ZNF665: variants seen among roughly 807,000 people sequenced by gnomAD.
ZNF665 encodes zinc finger protein 665.
Under a neutral mutation model 7.9 loss-of-function variants are expected in ZNF665, and 6 were observed. The observed-to-expected ratio is 0.76, with a 90% confidence interval of 0.42 to 1.50. The LOEUF is 1.50. ZNF665 is among the 40% of genes most tolerant of loss of function. The probability of loss-of-function intolerance (pLI) is 0.01; values close to 1 mark genes in which losing one functional copy is unlikely to be tolerated. For missense variants in ZNF665, 819 were observed against 806.7 expected (o/e 1.02, Z -0.18); for synonymous variants, 242 against 274.5 (o/e 0.88, Z 1.17).
rs201807429 is a variant in ZNF665, at chr19:53,165,166, G to T, written c.1324C>A (p.Arg442=). 2 of 1,613,860 alleles carry T rather than the reference G, an allele frequency of 1.2e-6. No homozygotes were observed. The highest frequency in any genetic ancestry group is 2.7e-5 in the African/African-American group (2 of 74,854). The change falls in exon 4 of 4, where the codon CGA becomes AGA. Residue 442 remains arginine (R), a synonymous_variant. Coordinates refer to ENST00000396424, the MANE Select transcript of ZNF665 (RefSeq NM_024733.5). ...GCCTGATGGGTAGTTAGGCTTGATC[G>T]CACACTAAAGGCTTTGCCACACTCA... ...CDECGKAFSV[R]SSLTTHQAIH...
chr19:53,169,036 G>A (rs1397534824), intron 3 of ZNF665, among the ~76,000 whole-genome samples: 1 of 151,974 alleles, frequency 6.6e-6, no homozygotes, highest in East Asian at 1.9e-4. Flanking sequence ...CTCGGATCAA[G>A]CAAAGATTTC....
At chr19:53,169,353 A>C (rs2090640413) in intron 3 of ZNF665, among the ~76,000 whole-genome samples, 1 of 151,606 alleles carries the variant, frequency 6.6e-6, no homozygotes, top group Admixed American at 6.6e-5. Context: ...ATACAAATTA[A>C]ACTACTAAAT....
At chr19:53,173,282 A>C (rs2090671764) in intron 3 of ZNF665, among the ~76,000 whole-genome samples, 1 of 149,536 alleles carries the variant, frequency 6.7e-6, no homozygotes, top group African/African-American at 2.5e-5. Context: ...AGCAATACTT[A>C]TTGAAAAAAC....
Position 53,164,620 on chromosome 19 carries a change from T to C in ZNF665, c.1870A>G (p.Lys624Glu). 1 of 1,614,184 alleles carries C rather than the reference T, an allele frequency of 6.2e-7. No individual in the cohort carries two copies. Among genetic ancestry groups the C allele is most frequent in the South Asian group, 1.1e-5 (1 of 91,080 alleles). Residue 624 changes from lysine to glutamate, a missense_variant, in exon 4 of 4, where the codon AAA (lysine) becomes GAA (glutamate). Transcript: ENST00000396424. The stretch of plus-strand genomic sequence containing the variant: ...CCACACTCATTACACCTATAAGGTT[T>C]TTCTCCAGTGTGAATTCTTCTATGA... ...ANHRRIHTGE[K>E]PYRCNECGKA...
intron 2 of ZNF665, chr19:53,182,449 T>C (rs1320624594): frequency 4.0e-6 from 2 of 494,836 alleles, no homozygotes; most frequent in East Asian, 6.5e-5. Context: ...CAAATATAAA[T>C]GAGGTGACAA....
Position 53,182,651 on chromosome 19 carries a change from G to T in ZNF665, c.15+233C>A, listed in dbSNP as rs1399046174. 9 of 877,940 alleles carry T rather than the reference G, an allele frequency of 1.0e-5. 1 individual carries two copies. Among genetic ancestry groups the T allele is most frequent in the South Asian group, 9.9e-5 (7 of 70,938 alleles). The allele number at this position is 877,940 out of a possible 1,614,324, so 54.4% of individuals were successfully genotyped here. A position where few individuals can be genotyped will look rare whatever the true frequency, so the allele number is the denominator to read the frequency against. On this transcript the variant is annotated intron_variant, in intron 2 of 3. Transcript: ENST00000396424. ...CCCTCACCCCGTCTCCATCCATGTC[G>T]GGGTGTGAGCCCTTCCCAGGTCCAT...
intron 3 of ZNF665, among the ~76,000 whole-genome samples, chr19:53,169,612 A>G (rs955556393): frequency 6.6e-6 from 1 of 152,106 alleles, no homozygotes; most frequent in Non-Finnish European, 1.5e-5. Context: ...TACATGTGCC[A>G]TGCTGGTGTG....
chr19:53,192,116 T>C (rs116304823), intron 1 of ZNF665, among the ~76,000 whole-genome samples: 1,624 of 152,222 alleles, frequency 0.011, 28 homozygotes, highest in African/African-American at 0.036. Flanking sequence ...TTCCACTTGT[T>C]CTGTTCCATT....
At position 53,165,033 on chromosome 19, in the gene ZNF665, T is replaced by C. The variant is rs1204069100; in HGVS notation, c.1457A>G (p.Tyr486Cys). The C allele has an allele frequency of 6.2e-6, 10 of 1,614,064 alleles. No individual in the cohort carries two copies. In the South Asian group the frequency reaches 8.8e-5, roughly 14 times the overall value. The change falls in exon 4 of 4, where the codon TAC becomes TGC. Residue 486 changes from tyrosine to cysteine, a missense_variant. By Grantham distance (194) the Tyr-to-Cys change is radical. Coordinates refer to ENST00000396424, the MANE Select transcript of ZNF665 (RefSeq NM_024733.5). ...GGCTTTACCACATTCATCACACTTG[T>C]AAGGTTTCTCTCCAGAATGAATTCC... Reference protein sequence around the residue: ...HRGIHSGEKPYKCDECGKAFS... With the variant: ...HRGIHSGEKPCKCDECGKAFS...
chr19:53,184,602 AGAT>A (rs1315151537), intron 1 of ZNF665, among the ~76,000 whole-genome samples: 1 of 152,088 alleles, frequency 6.6e-6, no homozygotes, highest in Non-Finnish European at 1.5e-5. Context: ...CTGTGAGATG[AGAT>A]GATAAGGAAG....
rs146106408 is a variant in ZNF665, at chr19:53,189,055, G to GTGTGTGTC, written c.-46+4256_-46+4257insGACACACA. Among the ~76,000 whole-genome samples the GTGTGTGTC allele has an allele frequency of 6.9e-3, 977 of 142,440 alleles. 14 individuals carry two copies. Among genetic ancestry groups the GTGTGTGTC allele is most frequent in the South Asian group, 0.021 (81 of 3,836 alleles). 93.4% of individuals were successfully genotyped at this position (142,440 alleles called of 152,430 possible). On this transcript the variant is annotated intron_variant, in intron 1 of 3. Transcript: ENST00000396424. Reference sequence around the variant, plus strand: ...GAGAAAGAAAGGCTTTATTTTCTGTGTGTGTGTGTGTGTGTGTGTGTGTGT... The same window carrying GTGTGTGTC: ...GAGAAAGAAAGGCTTTATTTTCTGTGTGTGTGTCTGTGTGTGTGTGTGTGTGTGTGTGT...
chr19:53,189,954 C>T (rs2090804569), intron 1 of ZNF665, among the ~76,000 whole-genome samples: 1 of 152,200 alleles, frequency 6.6e-6, no homozygotes, highest in South Asian at 2.1e-4. Context: ...GCACTCTTGT[C>T]TTCTGGTCAC....
At chr19:53,171,524 A>ATATATATT (rs372855271) in intron 3 of ZNF665, among the ~76,000 whole-genome samples, 817 of 69,338 alleles carry the variant, frequency 0.012, 14 homozygotes, top group East Asian at 0.047. Flanking sequence ...ATATATATAT[A>ATATATATT]TTTTTTTTTT....
chr19:53,179,471 G>A (rs1472442998), intron 2 of ZNF665: 2 of 146,698 alleles, frequency 1.4e-5, no homozygotes, highest in African/African-American at 5.1e-5. Context: ...TTTTTGAGAT[G>A]GAGTTTTGCT....
chr19:53,167,783 C>A (rs1273354679), intron 3 of ZNF665, among the ~76,000 whole-genome samples: 1 of 147,642 alleles, frequency 6.8e-6, no homozygotes, highest in Admixed American at 6.7e-5. Context: ...CTGCCGGGCG[C>A]CGGTGGCTCC....
Position 53,164,992 on chromosome 19 carries a change from G to C in ZNF665, c.1498C>G (p.Gln500Glu). ...TGAACTCTCCAATGCCTTGCAAGTTGTGATGTTTGACTGAAGGCTTTACCA... is the reference window on the plus strand; with the variant it reads ...TGAACTCTCCAATGCCTTGCAAGTTCTGATGTTTGACTGAAGGCTTTACCA... ...ECGKAFSQTS[Q>E]LARHWRVHTG... Residue 500 changes from glutamine to glutamate, a missense_variant, in exon 4 of 4, where the codon CAA (glutamine) becomes GAA (glutamate). Transcript: ENST00000396424. 3 of 1,613,824 alleles carry C rather than the reference G, an allele frequency of 1.9e-6. No homozygotes were observed. The highest frequency in any genetic ancestry group is 2.5e-6 in the Non-Finnish European group (3 of 1,179,866).
intron 2 of ZNF665, chr19:53,181,020 CA>C (rs2090734049): frequency 1.3e-5 from 2 of 151,866 alleles, no homozygotes; most frequent in African/African-American, 4.8e-5. Context: ...AAAATCAGTC[CA>C]AAAAGGAAAT....
chr19:53,185,409 G>A (rs1350411270), intron 1 of ZNF665, among the ~76,000 whole-genome samples: 1 of 152,074 alleles, frequency 6.6e-6, no homozygotes, highest in African/African-American at 2.4e-5. Flanking sequence ...TCCTATCTCT[G>A]TATGGCCTGG....
At chr19:53,170,923 G>A (rs2090652331) in intron 3 of ZNF665, among the ~76,000 whole-genome samples, 3 of 152,052 alleles carry the variant, frequency 2.0e-5, no homozygotes, top group South Asian at 4.1e-4. Context: ...ATATAATGTC[G>A]ATTAGAATGT....
Sources: gnomAD v4.1 joint callset for allele counts (sites outside exome capture counted in the v4.1 genomes callset) on GRCh38, gnomAD v4.1.1 for gene constraint, MANE v1.5 for transcripts, NCBI Gene and HGNC (gene_info 2026-07-23, HGNC 2026-07-21) for gene names.